C10orf67: variants seen among roughly 807,000 people sequenced by gnomAD.
The protein encoded by C10orf67 is uncharacterized protein C10orf67, mitochondrial.
In C10orf67, 60 loss-of-function variants were observed where a neutral mutation model predicts 35.6. That is an observed-to-expected ratio of 1.68 (90% CI 1.37 to 2.09). The LOEUF (loss-of-function observed/expected upper bound fraction) is 2.09, where lower values mean the gene tolerates loss of function less well. Among genes scored for constraint, C10orf67 ranks in the 30% most tolerant of loss-of-function variants. The pLI, the probability that C10orf67 is intolerant of heterozygous loss-of-function variation, is 0.00. For synonymous variants in C10orf67, 167 were observed against 115.8 expected, an observed-to-expected ratio of 1.44 and a Z score of -2.84; for missense variants, 474 against 330.2, an observed-to-expected ratio of 1.44 and a Z score of -3.38.
intron 4 of C10orf67, among the ~76,000 whole-genome samples, chr10:23,313,593 G>T (rs75624544): frequency 0.034 from 5,161 of 152,214 alleles, 282 homozygotes; most frequent in African/African-American, 0.12. Context: ...ATATGTACTG[G>T]GTAAATGTGA....
intron 10 of C10orf67, among the ~76,000 whole-genome samples, chr10:23,265,975 G>C (rs1240826827): frequency 6.6e-6 from 1 of 152,242 alleles, no homozygotes; most frequent in Non-Finnish European, 1.5e-5. Context: ...ATCCTAGAAA[G>C]TGCTTGGGAT....
chr10:23,268,853 T>C (rs1169128594), intron 8 of C10orf67, among the ~76,000 whole-genome samples: 1 of 152,244 alleles, frequency 6.6e-6, no homozygotes, highest in African/African-American at 2.4e-5. Context: ...GTACTGAATA[T>C]TGTAGGCAAC....
At chr10:23,209,330 G>A (rs1841243273) in intron 15 of C10orf67, among the ~76,000 whole-genome samples, 2 of 151,966 alleles carry the variant, frequency 1.3e-5, no homozygotes, top group African/African-American at 4.8e-5. Flanking sequence ...GCCTGAGAAG[G>A]GTGCTCTGAA....
chr10:23,301,454 T>C (rs1462825091), intron 5 of C10orf67, among the ~76,000 whole-genome samples: 1 of 152,184 alleles, frequency 6.6e-6, no homozygotes, highest in Non-Finnish European at 1.5e-5. Flanking sequence ...ATTCTAAGGA[T>C]AGGACAGAAT....
intron 2 of C10orf67, among the ~76,000 whole-genome samples, chr10:23,323,302 A>G (rs1053883105): frequency 5.3e-5 from 8 of 152,182 alleles, no homozygotes; most frequent in Admixed American, 2.0e-4. Flanking sequence ...TAATCAAAAC[A>G]CAATGTATTT....
intron 8 of C10orf67, among the ~76,000 whole-genome samples, chr10:23,281,739 A>G (rs1007892909): frequency 1.2e-4 from 19 of 152,218 alleles, no homozygotes; most frequent in African/African-American, 4.1e-4. Flanking sequence ...TTAAATCTCC[A>G]TAATAAAATG....
intron 4 of C10orf67, among the ~76,000 whole-genome samples, chr10:23,313,604 T>C (rs1054675882): frequency 1.3e-5 from 2 of 152,168 alleles, no homozygotes; most frequent in African/African-American, 4.8e-5. Flanking sequence ...GTAAATGTGA[T>C]ACAATTCACT....
chr10:23,231,468 T>G (rs1684065196), intron 13 of C10orf67, among the ~76,000 whole-genome samples: 3 of 152,214 alleles, frequency 2.0e-5, no homozygotes, highest in Admixed American at 2.0e-4. Context: ...TGTGTACCAC[T>G]TTATGGAGTA....
chr10:23,267,281 G>T, intron 8 of C10orf67, 27 bp from the exon 9 acceptor site: 1 of 685,470 alleles, frequency 1.5e-6, no homozygotes, highest in Non-Finnish European at 2.7e-6. Context: ...CCATATCATT[G>T]GTTATTATCT....
At chr10:23,306,264 G>A (rs907384663) in intron 4 of C10orf67, among the ~76,000 whole-genome samples, 19 of 152,074 alleles carry the variant, frequency 1.2e-4, no homozygotes, top group Non-Finnish European at 1.5e-4. Flanking sequence ...GGTGGCTCAC[G>A]CCTGTAATCT....
intron 13 of C10orf67, among the ~76,000 whole-genome samples, chr10:23,230,844 T>C (rs1329269852): frequency 1.3e-5 from 2 of 152,330 alleles, no homozygotes; most frequent in East Asian, 3.9e-4. Flanking sequence ...CTGAAGACCA[T>C]ATGGAACACT....
chr10:23,335,474 AG>A (rs1415131324), intron 1 of C10orf67, among the ~76,000 whole-genome samples: 3 of 152,232 alleles, frequency 2.0e-5, no homozygotes, highest in African/African-American at 7.2e-5. Flanking sequence ...GTTAATACTT[AG>A]AAGTATTTTG....
At chr10:23,225,632 G>T (rs189044416) in intron 13 of C10orf67, among the ~76,000 whole-genome samples, 46 of 152,198 alleles carry the variant, frequency 3.0e-4, no homozygotes, top group African/African-American at 1.0e-3. Context: ...CCTACCTCAC[G>T]TGCAGAGACA....
intron 10 of C10orf67, 143 bp downstream of exon 10, chr10:23,266,119 T>C (rs1842876407): frequency 5.1e-6 from 2 of 393,540 alleles, no homozygotes; most frequent in Non-Finnish European, 8.9e-6. Flanking sequence ...CATGTTGGTT[T>C]AGAAATAGGC....
At chr10:23,251,315 T>C (rs1842449703) in intron 10 of C10orf67, among the ~76,000 whole-genome samples, 6 of 152,278 alleles carry the variant, frequency 3.9e-5, no homozygotes, top group Middle Eastern at 3.4e-3. Context: ...AATTGTAAAT[T>C]GTGTTTTCCT....
chr10:23,321,908 T>C (rs1844970882), intron 3 of C10orf67, among the ~76,000 whole-genome samples: 1 of 152,168 alleles, frequency 6.6e-6, no homozygotes, highest in African/African-American at 2.4e-5. Flanking sequence ...TGTCTCAGAC[T>C]CCTAAGTAGC....
chr10:23,342,211 C>T (rs1485236521), intron 1 of C10orf67, among the ~76,000 whole-genome samples: 6 of 129,554 alleles, frequency 4.6e-5, no homozygotes, highest in Non-Finnish European at 9.6e-5. Flanking sequence ...AGCTCCCTCC[C>T]CACTTGCCAC....
chr10:23,249,224 C>A (rs1465492469), intron 12 of C10orf67, among the ~76,000 whole-genome samples: 2 of 144,722 alleles, frequency 1.4e-5, no homozygotes, highest in Non-Finnish European at 3.0e-5. Flanking sequence ...GGGTCAGAGA[C>A]AAGGTAAATC....
chr10:23,273,823 C>G (rs549216424), intron 8 of C10orf67, among the ~76,000 whole-genome samples: 1 of 152,188 alleles, frequency 6.6e-6, no homozygotes, highest in Non-Finnish European at 1.5e-5. Context: ...CTACCACACA[C>G]AGTAAATATT....
Sources: allele counts gnomAD v4.1 joint callset (sites outside exome capture counted in the v4.1 genomes callset), GRCh38; gene constraint gnomAD v4.1.1; transcripts MANE v1.5; gene names NCBI Gene and HGNC (gene_info 2026-07-23, HGNC 2026-07-21).